SLC37A3: variants seen among roughly 807,000 people sequenced by gnomAD.
SLC37A3 encodes the protein sugar phosphate exchanger 3.
In SLC37A3, 51 loss-of-function variants were observed where a neutral mutation model predicts 67.1. That is an observed-to-expected ratio of 0.76 (90% confidence interval 0.61 to 0.96). The LOEUF is 0.96. Among genes scored for constraint, SLC37A3 ranks in the 40% least tolerant of loss-of-function variants. The probability of loss-of-function intolerance (pLI) is 0.00; values close to 1 mark genes in which losing one functional copy is unlikely to be tolerated. For synonymous variants in SLC37A3, 214 were observed against 231.4 expected (o/e 0.92, Z 0.68); for missense variants, 508 against 603.0 (o/e 0.84, Z 1.65).
intron 1 of SLC37A3, among the ~76,000 whole-genome samples, chr7:140,386,597 G>C (rs73735240): frequency 2.0e-3 from 310 of 152,094 alleles, no homozygotes; most frequent in African/African-American, 7.1e-3. Context: ...CCTACTTTTT[G>C]AAGAATACTC....
At position 140,352,062 on chromosome 7, in the gene SLC37A3, C is replaced by T; in HGVS notation, c.703G>A (p.Gly235Ser). The change falls in exon 8 of 15, where the codon GGT becomes AGT. Residue 235 changes from glycine to serine, a missense_variant and splice_region_variant. Physicochemically the swap from Gly to Ser is moderately conservative, Grantham distance 56. Transcript: ENST00000326232. ...FGLLVSPEEI[G>S]LSGIEAEENF... ...AATAGAAGGGGCGGCTTCTCCTCACCAATTTCTTCTGGTGACACCAGGAGT... is the reference window on the plus strand; with the variant it reads ...AATAGAAGGGGCGGCTTCTCCTCACTAATTTCTTCTGGTGACACCAGGAGT... 3 of 1,610,892 alleles carry T rather than the reference C, an allele frequency of 1.9e-6. No individual in the cohort carries two copies. Among genetic ancestry groups the T allele is most frequent in the South Asian group, 1.1e-5 (1 of 90,002 alleles).
In SLC37A3 at chr7:140,346,241, G is replaced by A. The variant is rs560438492; in HGVS notation, c.1025-271C>T. On this transcript the variant is annotated intron_variant, in intron 10 of 14. Transcript: ENST00000326232. ...AAAAATACAAAAAAATTAGCCGGGCGTGGTGGCGGGCACCTGTAGTCCCAG... is the reference window on the plus strand; with the variant it reads ...AAAAATACAAAAAAATTAGCCGGGCATGGTGGCGGGCACCTGTAGTCCCAG... Among the ~76,000 whole-genome samples, 291 of 152,204 alleles carry A rather than the reference G, an allele frequency of 1.9e-3. 1 individual carries two copies. Among genetic ancestry groups the A allele is most frequent in the Middle Eastern group, 3.4e-3 (1 of 294 alleles).
chr7:140,349,861 C>T (rs189409307), intron 9 of SLC37A3, among the ~76,000 whole-genome samples: 2 of 152,282 alleles, frequency 1.3e-5, no homozygotes, highest in East Asian at 3.9e-4. Flanking sequence ...TAAACTATTA[C>T]CAGCAGAGTA....
In SLC37A3 at chr7:140,395,644, G is replaced by C. The variant is rs562052530; in HGVS notation, c.-71+2772C>G. ...AATTGCTTGAACCCAGGAGGCGGAG[G>C]TTGCAGTGAACCGAGATCCCCCTAC... On this transcript the variant is annotated intron_variant, in intron 1 of 14. Transcript: ENST00000326232. Among the ~76,000 whole-genome samples the C allele has an allele frequency of 2.0e-5, 3 of 151,982 alleles. No homozygotes were observed. In the South Asian group the frequency reaches 6.2e-4, roughly 32 times the overall value.
chr7:140,392,863 G>A (rs892696652), intron 1 of SLC37A3, among the ~76,000 whole-genome samples: 3 of 152,124 alleles, frequency 2.0e-5, no homozygotes, highest in African/African-American at 7.2e-5. Context: ...AGGCTGAGGT[G>A]GGCGGATCAC....
intron 5 of SLC37A3, among the ~76,000 whole-genome samples, chr7:140,362,894 A>G (rs1363630126): frequency 5.3e-4 from 7 of 13,214 alleles, no homozygotes; most frequent in Admixed American, 1.3e-3. Context: ...CCCGTCCGGG[A>G]GGGAGGCGGG....
chr7:140,375,863 A>G (rs529535581), intron 3 of SLC37A3, among the ~76,000 whole-genome samples: 2 of 152,330 alleles, frequency 1.3e-5, no homozygotes, highest in African/African-American at 4.8e-5. Flanking sequence ...AGCTGACATC[A>G]AACAGTCTTT....
chr7:140,393,192 C>T (rs1798788994), intron 1 of SLC37A3, among the ~76,000 whole-genome samples: 1 of 152,214 alleles, frequency 6.6e-6, no homozygotes, highest in African/African-American at 2.4e-5. Context: ...TTCAGGGGCA[C>T]AATCTGTGCC....
intron 7 of SLC37A3, among the ~76,000 whole-genome samples, chr7:140,355,352 T>C (rs1043423931): frequency 1.3e-5 from 2 of 152,128 alleles, no homozygotes; most frequent in African/African-American, 2.4e-5. Flanking sequence ...GCTGGGATTA[T>C]AGGCATGCGC....
chr7:140,350,081 C>T (rs1796731561), intron 9 of SLC37A3, among the ~76,000 whole-genome samples: 2 of 152,148 alleles, frequency 1.3e-5, no homozygotes, highest in African/African-American at 2.4e-5. Flanking sequence ...AGATGGCCTA[C>T]AGATCACTCT....
chr7:140,357,873 C>T lies in SLC37A3; in HGVS notation c.521+767G>A, dbSNP rs557463140. Among the ~76,000 whole-genome samples, 10 of 150,082 alleles carry T rather than the reference C, an allele frequency of 6.7e-5. No individual in the cohort carries two copies. In the South Asian group the frequency reaches 1.7e-3, roughly 25 times the overall value. ...CGGAGGTTGCAGTGAGCCGAGATCG[C>T]GCCATTGCAATGGGCAACAAGAGCA... On this transcript the variant is annotated intron_variant, in intron 6 of 14. Coordinates refer to ENST00000326232, the MANE Select transcript of SLC37A3 (RefSeq NM_207113.3).
At chr7:140,358,088 A>G (rs900188056) in intron 6 of SLC37A3, among the ~76,000 whole-genome samples, 3 of 151,792 alleles carry the variant, frequency 2.0e-5, no homozygotes, top group African/African-American at 7.3e-5. Context: ...AACAAAAAAG[A>G]AAAAAAAGCT....
chr7:140,397,201 C>CA (rs1166706967), intron 1 of SLC37A3, among the ~76,000 whole-genome samples: 70 of 119,606 alleles, frequency 5.9e-4, no homozygotes, highest in East Asian at 8.2e-4. Context: ...AACTCAGTCT[C>CA]AAAAAAAAAA....
intron 1 of SLC37A3, among the ~76,000 whole-genome samples, chr7:140,389,564 C>T (rs1798644235): frequency 6.6e-6 from 1 of 152,172 alleles, no homozygotes; most frequent in African/African-American, 2.4e-5. Context: ...CCATCTCCTG[C>T]AAAGCCGGCT....
At chr7:140,376,030 C>A (rs570632307) in intron 3 of SLC37A3, among the ~76,000 whole-genome samples, 1 of 152,296 alleles carries the variant, frequency 6.6e-6, no homozygotes, top group East Asian at 1.9e-4. Context: ...GAGCTAGAGA[C>A]AAGGAACTTA....
intron 1 of SLC37A3, among the ~76,000 whole-genome samples, chr7:140,385,196 C>G (rs1798404216): frequency 6.6e-6 from 1 of 152,098 alleles, no homozygotes; most frequent in Admixed American, 6.6e-5. Context: ...CACTGATCTG[C>G]CAAGGATTAA....
At chr7:140,347,772 A>AAC (rs1563012552) in intron 10 of SLC37A3, among the ~76,000 whole-genome samples, 1 of 151,444 alleles carries the variant, frequency 6.6e-6, no homozygotes, top group African/African-American at 2.4e-5. Context: ...AAAAAAAAAA[A>AAC]CCACTATTAA....
chr7:140,349,505 C>T (rs1250427529), intron 9 of SLC37A3, among the ~76,000 whole-genome samples: 1 of 146,600 alleles, frequency 6.8e-6, no homozygotes, highest in Non-Finnish European at 1.5e-5. Context: ...ACATTACTAC[C>T]AGGAAATCCT....
At chr7:140,352,625 T>C (rs765702671) in intron 7 of SLC37A3, among the ~76,000 whole-genome samples, 1 of 151,898 alleles carries the variant, frequency 6.6e-6, no homozygotes, top group Non-Finnish European at 1.5e-5. Flanking sequence ...GCTGAAGAGG[T>C]TGAAGCAGTA....
Sources: gnomAD v4.1 joint callset for allele counts (sites outside exome capture counted in the v4.1 genomes callset) on GRCh38, gnomAD v4.1.1 for gene constraint, MANE v1.5 for transcripts, NCBI Gene and HGNC (gene_info 2026-07-23, HGNC 2026-07-21) for gene names.